GNB4: variants seen among roughly 807,000 people sequenced by gnomAD.
GNB4 encodes the protein guanine nucleotide-binding protein subunit beta-4.
GNB4 carries 28 observed loss-of-function variants against 45.2 expected under a neutral mutation model. The observed-to-expected ratio is 0.62, with a 90% confidence interval of 0.46 to 0.85. The LOEUF (loss-of-function observed/expected upper bound fraction) is 0.85. GNB4 is among the 40% of genes least tolerant of loss of function. GNB4 has a pLI of 0.00. For missense variants in GNB4, 321 were observed against 425.4 expected (o/e 0.75, Z 2.16); for synonymous variants, 132 against 143.7 (o/e 0.92, Z 0.58).
chr3:179,443,293 C>T (rs543766957), intron 1 of GNB4, among the ~76,000 whole-genome samples: 1 of 152,284 alleles, frequency 6.6e-6, no homozygotes, highest in East Asian at 1.9e-4. Flanking sequence ...AATCCCAGCA[C>T]TTTGAGAGGC....
the GNB4 span, among the ~76,000 whole-genome samples, chr3:179,519,779 G>C: frequency 6.6e-6 from 1 of 151,860 alleles, no homozygotes; most frequent in African/African-American, 2.4e-5. Context: ...CTCCCTCCTC[G>C]GCAACCGATC....
chr3:179,447,250 G>A (rs920786912), intron 1 of GNB4, among the ~76,000 whole-genome samples: 5 of 150,924 alleles, frequency 3.3e-5, no homozygotes, highest in Admixed American at 1.3e-4. Context: ...CAGCAGTGAC[G>A]ATGGCGAGGC....
At chr3:179,450,716 A>T (rs1715847009) in intron 1 of GNB4, among the ~76,000 whole-genome samples, 1 of 152,246 alleles carries the variant, frequency 6.6e-6, no homozygotes, top group Admixed American at 6.5e-5. Context: ...GTATATGGCA[A>T]TCATCTGTGT....
chr3:179,512,161 A>G, the GNB4 span, among the ~76,000 whole-genome samples: 1 of 152,164 alleles, frequency 6.6e-6, no homozygotes, highest in South Asian at 2.1e-4. Context: ...TATTTTGGCC[A>G]GACCTCCCAG....
intron 1 of GNB4, among the ~76,000 whole-genome samples, chr3:179,439,886 G>A (rs963456302): frequency 2.0e-5 from 3 of 152,192 alleles, no homozygotes; most frequent in African/African-American, 7.2e-5. Flanking sequence ...TAAACCTCAC[G>A]AAATAATTGA....
At chr3:179,471,669 G>A in the GNB4 span, among the ~76,000 whole-genome samples, 20 of 152,214 alleles carry the variant, frequency 1.3e-4, no homozygotes, top group East Asian at 7.7e-4. Flanking sequence ...TATCCCTATC[G>A]TTAAGCAATG....
At chr3:179,481,373 G>A in the GNB4 span, among the ~76,000 whole-genome samples, 1 of 151,710 alleles carries the variant, frequency 6.6e-6, no homozygotes, top group Non-Finnish European at 1.5e-5. Flanking sequence ...GCAGCATTGT[G>A]ATCAGAGCTC....
At chr3:179,456,145 T>G (rs894148868), upstream of GNB4, among the ~76,000 whole-genome samples, 4 of 140,354 alleles carry the variant, frequency 2.8e-5, no homozygotes, top group African/African-American at 1.1e-4. Context: ...AAGATCTCGC[T>G]CCGTCACTGA....
chr3:179,482,770 T>C, the GNB4 span, among the ~76,000 whole-genome samples: 1 of 152,212 alleles, frequency 6.6e-6, no homozygotes, highest in South Asian at 2.1e-4. Context: ...ACTCTCTCTT[T>C]TGAGGTGAGG....
chr3:179,498,814 C>T, the GNB4 span, among the ~76,000 whole-genome samples: 3 of 137,442 alleles, frequency 2.2e-5, no homozygotes, highest in Admixed American at 1.6e-4. Flanking sequence ...ATGTGCAGAA[C>T]GTGCAGGTTT....
At chr3:179,417,117 C>G (rs1714821883) in intron 4 of GNB4, among the ~76,000 whole-genome samples, 1 of 152,054 alleles carries the variant, frequency 6.6e-6, no homozygotes, top group South Asian at 2.1e-4. Flanking sequence ...AAAGGAGGAA[C>G]AATGGCTAGA....
chr3:179,466,007 G>GTT, the GNB4 span, among the ~76,000 whole-genome samples: 9 of 90,900 alleles, frequency 9.9e-5, no homozygotes, highest in Non-Finnish European at 1.3e-4. Context: ...TCCTCTAGTC[G>GTT]TTTTTTTTTT....
At chr3:179,443,771 A>G (rs1002587085) in intron 1 of GNB4, among the ~76,000 whole-genome samples, 19 of 152,130 alleles carry the variant, frequency 1.2e-4, no homozygotes, top group African/African-American at 4.6e-4. Flanking sequence ...AATACTATAC[A>G]ATTACTGTCT....
chr3:179,494,292 AAAG>A, the GNB4 span, among the ~76,000 whole-genome samples: 2 of 151,378 alleles, frequency 1.3e-5, no homozygotes, highest in African/African-American at 4.8e-5. Context: ...AGAAAGAAAG[AAAG>A]AGAGAGGAAG....
intron 3 of GNB4, among the ~76,000 whole-genome samples, chr3:179,419,939 T>C (rs534039353): frequency 1.3e-5 from 2 of 152,110 alleles, no homozygotes; most frequent in East Asian, 3.9e-4. Flanking sequence ...TAATTAAACA[T>C]GAAGCCTTCC....
At chr3:179,412,586 A>C (rs2108588229) in intron 8 of GNB4, among the ~76,000 whole-genome samples, 1 of 152,302 alleles carries the variant, frequency 6.6e-6, no homozygotes, top group East Asian at 1.9e-4. Context: ...TATTTTAAAA[A>C]CTGAAGAATC....
chr3:179,457,005 G>C, the GNB4 span, among the ~76,000 whole-genome samples: 1 of 152,254 alleles, frequency 6.6e-6, no homozygotes, highest in African/African-American at 2.4e-5. Flanking sequence ...ACTCTACTTA[G>C]GAGGTAAGAA....
At chr3:179,453,211 C>G (rs747630308), upstream of GNB4, among the ~76,000 whole-genome samples, 5 of 152,184 alleles carry the variant, frequency 3.3e-5, no homozygotes, top group Admixed American at 6.5e-5. Context: ...CAACCTCCAC[C>G]TCCAGGATTC....
At chr3:179,486,237 A>AT in the GNB4 span, among the ~76,000 whole-genome samples, 2 of 151,736 alleles carry the variant, frequency 1.3e-5, no homozygotes, top group South Asian at 2.1e-4. Flanking sequence ...AAAAAAAAAA[A>AT]AGTAAAAGAT....
Sources: allele counts gnomAD v4.1 joint callset (sites outside exome capture counted in the v4.1 genomes callset), GRCh38; gene constraint gnomAD v4.1.1; transcripts MANE v1.5; gene names NCBI Gene and HGNC (gene_info 2026-07-23, HGNC 2026-07-21).